DISC1: variants seen among roughly 807,000 people sequenced by gnomAD.
The protein encoded by DISC1 is disrupted in schizophrenia 1 protein.
Under a neutral mutation model 84.5 loss-of-function variants are expected in DISC1, and 57 were observed. The ratio of observed to expected loss-of-function variants is 0.67; its 90% CI spans 0.55 to 0.84. The LOEUF (loss-of-function observed/expected upper bound fraction) is 0.84. Ranked by LOEUF, DISC1 falls within the 40% of genes least tolerant of loss-of-function variation. The pLI is 0.00. For synonymous variants in DISC1, 411 were observed against 415.2 expected (o/e 0.99, Z 0.12); for missense variants, 1,000 against 1,057.8 (o/e 0.95, Z 0.76).
intron 2 of DISC1, 87 bp from the exon 3 acceptor site, chr1:231,701,868 C>A: frequency 1.8e-6 from 2 of 1,118,266 alleles, no homozygotes; most frequent in Non-Finnish European, 1.2e-6. Context: ...AGTTTTGAAA[C>A]AGTTTCTAAA....
intron 9 of DISC1, among the ~76,000 whole-genome samples, chr1:231,947,819 A>G (rs1657526981): frequency 1.3e-5 from 2 of 152,082 alleles, no homozygotes; most frequent in South Asian, 4.2e-4. Context: ...ACACTTCTCA[A>G]AAGAAGACAT....
At chr1:231,863,172 T>C (rs770502405) in intron 9 of DISC1, among the ~76,000 whole-genome samples, 22 of 149,514 alleles carry the variant, frequency 1.5e-4, no homozygotes, top group Non-Finnish European at 2.8e-4. Flanking sequence ...CATGAAAATA[T>C]AGAACTAACA....
Position 231,694,019 on chromosome 1 carries a change from C to G in DISC1, c.261C>G (p.Gly87=), listed in dbSNP as rs747325439. 4.3e-6 allele frequency: 7 copies of G among 1,614,134 alleles called. No individual in the cohort carries two copies. The Admixed American group carries it at 8.3e-5, about 19-fold the overall frequency. The change falls in exon 2 of 13, where the codon GGC becomes GGG. Residue 87 remains glycine, a synonymous_variant. Coordinates refer to ENST00000439617, the MANE Select transcript of DISC1 (RefSeq NM_018662.3). ...CGGAGTCCAGGGCCAGACAGTGTGG[C>G]CTTGACTCGAGAGGCCTCTTGGTCC... The part of the protein sequence containing the change: ...HHSESRARQC[G]LDSRGLLVRS...
intron 1 of DISC1, among the ~76,000 whole-genome samples, chr1:231,676,860 C>G (rs532461706): frequency 1.3e-5 from 2 of 152,186 alleles, no homozygotes; most frequent in South Asian, 4.1e-4. Flanking sequence ...TTAAAGACCC[C>G]TTTTAAAAAA....
intron 1 of DISC1, among the ~76,000 whole-genome samples, chr1:231,672,580 A>C (rs1455911851): frequency 6.6e-6 from 1 of 152,060 alleles, no homozygotes; most frequent in Non-Finnish European, 1.5e-5. Context: ...TGCTGTCCTT[A>C]GTATATTTAC....
intron 3 of DISC1, among the ~76,000 whole-genome samples, chr1:231,706,165 TG>T (rs1485439659): frequency 1.3e-5 from 2 of 152,144 alleles, no homozygotes; most frequent in Admixed American, 1.3e-4. Context: ...TGGGAGGGCT[TG>T]GGAGAAAAAG....
At chr1:231,725,165 G>A (rs201466760) in intron 3 of DISC1, among the ~76,000 whole-genome samples, 1 of 152,114 alleles carries the variant, frequency 6.6e-6, no homozygotes, top group African/African-American at 2.4e-5. Flanking sequence ...AGGCTTCGTG[G>A]GGATGCTCAA....
chr1:231,735,331 C>G (rs1224416368), intron 3 of DISC1, among the ~76,000 whole-genome samples: 1 of 152,154 alleles, frequency 6.6e-6, no homozygotes, highest in Non-Finnish European at 1.5e-5. Context: ...CTTAACCATT[C>G]CCCTAGAATT....
intron 3 of DISC1, among the ~76,000 whole-genome samples, chr1:231,714,708 G>A (rs1042241488): frequency 6.6e-6 from 1 of 151,438 alleles, no homozygotes; most frequent in Non-Finnish European, 1.5e-5. Flanking sequence ...GATAGGGATT[G>A]AGAGAGAGAG....
chr1:231,883,487 G>A (rs1303856899), intron 9 of DISC1, among the ~76,000 whole-genome samples: 1 of 152,154 alleles, frequency 6.6e-6, no homozygotes, highest in East Asian at 1.9e-4. Flanking sequence ...GCAGGTCAGA[G>A]AGGAGGCATC....
chr1:231,669,141 G>A (rs1029851974), intron 1 of DISC1, among the ~76,000 whole-genome samples: 2 of 152,194 alleles, frequency 1.3e-5, no homozygotes, highest in African/African-American at 4.8e-5. Flanking sequence ...AGGGAGCAAA[G>A]GAGAGTTAAT....
At chr1:231,721,289 A>G (rs200052175) in intron 3 of DISC1, among the ~76,000 whole-genome samples, 2 of 152,222 alleles carry the variant, frequency 1.3e-5, no homozygotes, top group Non-Finnish European at 2.9e-5. Flanking sequence ...TCCACACTAC[A>G]GATGAGAAAA....
intron 8 of DISC1, among the ~76,000 whole-genome samples, chr1:231,810,200 C>G (rs1399120741): frequency 6.6e-6 from 1 of 152,178 alleles, no homozygotes; most frequent in African/African-American, 2.4e-5. Flanking sequence ...CAGGGGCTGG[C>G]TCTGTACTGG....
intron 3 of DISC1, among the ~76,000 whole-genome samples, chr1:231,730,220 A>G (rs2071337851): frequency 6.6e-6 from 1 of 152,242 alleles, no homozygotes; most frequent in African/African-American, 2.4e-5. Context: ...CAATAGAGAT[A>G]AATAATGAAT....
chr1:231,772,211 G>A (rs899165964), intron 6 of DISC1, among the ~76,000 whole-genome samples: 14 of 152,008 alleles, frequency 9.2e-5, no homozygotes, highest in Non-Finnish European at 1.5e-4. Context: ...CTGCCTTAGC[G>A]TCCTGAAGTG....
At chr1:231,943,567 G>T (rs1339131160) in intron 9 of DISC1, among the ~76,000 whole-genome samples, 1 of 152,152 alleles carries the variant, frequency 6.6e-6, no homozygotes. Flanking sequence ...CCTAGCAAGG[G>T]TGTGCTCACA....
intron 1 of DISC1, among the ~76,000 whole-genome samples, chr1:231,684,342 C>T (rs1214476311): frequency 1.3e-5 from 2 of 152,024 alleles, no homozygotes; most frequent in African/African-American, 4.8e-5. Context: ...GTTATAAAAA[C>T]TGTATTTATA....
intron 11 of DISC1, among the ~76,000 whole-genome samples, chr1:232,017,831 A>G (rs199679984): frequency 4.6e-5 from 7 of 152,226 alleles, no homozygotes; most frequent in Non-Finnish European, 7.3e-5. Flanking sequence ...TCCTAGCAGT[A>G]CTTGTTACTT....
Position 232,011,130 on chromosome 1 carries a change from T to C in DISC1, c.2307+2081T>C, listed in dbSNP as rs117291848. On this transcript the variant is annotated intron_variant, in intron 11 of 12. Coordinates refer to ENST00000439617, the MANE Select transcript of DISC1 (RefSeq NM_018662.3). ...CCCTCCAGGTTCTCTGGGGACAGAC[T>C]TTCCCAGGCATAGGAGGATTCGTTT... is the stretch of plus-strand genomic sequence containing the variant. Among the ~76,000 whole-genome samples, 29 of 152,302 alleles carry C rather than the reference T, an allele frequency of 1.9e-4. No individual in the cohort carries two copies. In the East Asian group the frequency reaches 5.6e-3, roughly 29 times the overall value.
Sources: gnomAD v4.1 joint callset for allele counts (sites outside exome capture counted in the v4.1 genomes callset) on GRCh38, gnomAD v4.1.1 for gene constraint, MANE v1.5 for transcripts, NCBI Gene and HGNC (gene_info 2026-07-23, HGNC 2026-07-21) for gene names.